CACNA1E: variants seen among roughly 807,000 people sequenced by gnomAD.
CACNA1E encodes calcium voltage-gated channel subunit alpha1 E, also known as voltage-dependent R-type calcium channel subunit alpha-1E.
Under a neutral mutation model 259.2 loss-of-function variants are expected in CACNA1E, and 40 were observed. The observed-to-expected ratio is 0.15, with a 90% CI of 0.12 to 0.20. The LOEUF is 0.20. Ranked by LOEUF, CACNA1E falls within the 10% of genes least tolerant of loss-of-function variation. CACNA1E has a pLI of 1.00. For synonymous variants in CACNA1E, 1,104 were observed against 1,138.5 expected (o/e 0.97, Z 0.61); for missense variants, 1,874 against 3,040.1 (o/e 0.62, Z 9.02).
At chr1:181,768,988 A>G (rs1659257862) in intron 35 of CACNA1E, among the ~76,000 whole-genome samples, 1 of 152,210 alleles carries the variant, frequency 6.6e-6, no homozygotes, top group Admixed American at 6.5e-5. Flanking sequence ...GGAAAAAGGG[A>G]CCTTTGCAGA....
At chr1:181,339,694 A>G (rs2102628047) in intron 1 of CACNA1E, among the ~76,000 whole-genome samples, 1 of 152,272 alleles carries the variant, frequency 6.6e-6, no homozygotes, top group African/African-American at 2.4e-5. Context: ...GAGATAAAAA[A>G]TGGTATCTCC....
intron 2 of CACNA1E, among the ~76,000 whole-genome samples, chr1:181,473,022 G>A (rs997521148): frequency 6.6e-6 from 1 of 152,106 alleles, no homozygotes; most frequent in Non-Finnish European, 1.5e-5. Flanking sequence ...GGCAGCAGAA[G>A]TATTTGTGAA....
chr1:181,426,769 C>A (rs1302003243), intron 2 of CACNA1E, among the ~76,000 whole-genome samples: 1 of 143,076 alleles, frequency 7.0e-6, no homozygotes, highest in Non-Finnish European at 1.5e-5. Context: ...CCCTGTCAAT[C>A]TCAACCCCTT....
At chr1:181,529,657 C>T (rs948875670) in intron 3 of CACNA1E, among the ~76,000 whole-genome samples, 1 of 152,214 alleles carries the variant, frequency 6.6e-6, no homozygotes, top group African/African-American at 2.4e-5. Context: ...GATGTGAGAT[C>T]TGGAGTCAAA....
intron 6 of CACNA1E, among the ~76,000 whole-genome samples, chr1:181,621,817 T>C (rs1655749846): frequency 6.6e-6 from 1 of 152,182 alleles, no homozygotes; most frequent in Admixed American, 6.5e-5. Flanking sequence ...GAGTGACCTA[T>C]TGTGCTACCT....
chr1:181,722,298 A>G (rs1306359400), intron 16 of CACNA1E, among the ~76,000 whole-genome samples: 1 of 152,236 alleles, frequency 6.6e-6, no homozygotes, highest in East Asian at 1.9e-4. Context: ...TAATGCTATT[A>G]CTGCTAATTA....
intron 45 of CACNA1E, among the ~76,000 whole-genome samples, 181 bp from the exon 46 acceptor site, chr1:181,794,683 G>C (rs1360095941): frequency 1.3e-5 from 2 of 152,218 alleles, no homozygotes; most frequent in Non-Finnish European, 2.9e-5. Flanking sequence ...ATAATGTAAG[G>C]ATGCTTTCTT....
intron 1 of CACNA1E, among the ~76,000 whole-genome samples, chr1:181,361,697 T>G (rs957254568): frequency 2.0e-5 from 3 of 152,192 alleles, no homozygotes; most frequent in Admixed American, 2.0e-4. Flanking sequence ...AAGTTCTGCC[T>G]GTGACTGTCA....
intron 3 of CACNA1E, among the ~76,000 whole-genome samples, chr1:181,529,463 G>A (rs1002037557): frequency 1.3e-5 from 2 of 152,170 alleles, no homozygotes; most frequent in African/African-American, 2.4e-5. Context: ...TGAGAAGAGG[G>A]CCACTGTCCT....
intron 1 of CACNA1E, among the ~76,000 whole-genome samples, chr1:181,392,012 G>C (rs572947438): frequency 2.0e-5 from 3 of 151,446 alleles, no homozygotes; most frequent in Non-Finnish European, 4.4e-5. Flanking sequence ...TTTGGGCCAG[G>C]GATTGGTGAA....
intron 16 of CACNA1E, 127 bp downstream of exon 16, chr1:181,722,002 C>T: frequency 1.5e-6 from 1 of 655,384 alleles, no homozygotes; most frequent in Non-Finnish European, 2.8e-6. Context: ...GTTTGGTGTA[C>T]TAAAGTAAAT....
At chr1:181,455,488 G>T (rs1424737922) in intron 2 of CACNA1E, among the ~76,000 whole-genome samples, 3 of 152,140 alleles carry the variant, frequency 2.0e-5, no homozygotes, top group Non-Finnish European at 4.4e-5. Flanking sequence ...TGGATGCCTT[G>T]TCTTTTTACC....
At chr1:181,398,172 C>A (rs987235005) in intron 1 of CACNA1E, among the ~76,000 whole-genome samples, 1 of 152,220 alleles carries the variant, frequency 6.6e-6, no homozygotes, top group African/African-American at 2.4e-5. Flanking sequence ...ACAGGCTCTA[C>A]CCAGATGCCT....
intron 3 of CACNA1E, among the ~76,000 whole-genome samples, chr1:181,570,982 G>A (rs538476831): frequency 1.1e-3 from 173 of 152,246 alleles, no homozygotes; most frequent in African/African-American, 4.0e-3. Context: ...TGAGTTCCTG[G>A]TATCTTCTCA....
chr1:181,482,563 C>A (rs1197726833), upstream of CACNA1E, among the ~76,000 whole-genome samples: 1 of 152,252 alleles, frequency 6.6e-6, no homozygotes, highest in African/African-American at 2.4e-5. Flanking sequence ...CCCCGCCCCT[C>A]CCGCCTGGCC....
chr1:181,724,527 A>C lies in CACNA1E; in HGVS notation c.2132A>C (p.Glu711Ala). 6.2e-7 allele frequency: 1 copy of C among 1,612,292 alleles called. No individual in the cohort carries two copies. Among genetic ancestry groups the C allele is most frequent in the Non-Finnish European group, 8.5e-7 (1 of 1,179,096 alleles). ...GTGGATAATCTCGCCAACGCCCAGG[A>C]ACTGACCAAGGTAAGCATTGTTTTC... ...IAVDNLANAQ[E>A]LTKDEQEEEE... The change falls in exon 17 of 48, where the codon GAA becomes GCA. Residue 711 changes from glutamate (E) to alanine (A), a missense_variant. Glu to Ala is a moderately radical substitution (Grantham distance 107). Around this residue, in one of 14 missense-constraint regions of CACNA1E, gnomAD observed 102 missense variants for 279.4 expected, o/e 0.37. Transcript: ENST00000367573.
At chr1:181,533,590 A>G (rs552181) in intron 3 of CACNA1E, among the ~76,000 whole-genome samples, 23,396 of 147,830 alleles carry the variant, frequency 0.16, 2,022 homozygotes, top group African/African-American at 0.22. Context: ...AGCCATTATA[A>G]TTTCATATGA....
chr1:181,498,893 G>A (rs1665010080), intron 1 of CACNA1E, among the ~76,000 whole-genome samples: 3 of 152,118 alleles, frequency 2.0e-5, no homozygotes, highest in Admixed American at 1.3e-4. Context: ...TGTTTTTGGT[G>A]TTTGGGGCAT....
intron 1 of CACNA1E, among the ~76,000 whole-genome samples, chr1:181,336,529 G>C (rs564947758): frequency 2.8e-4 from 42 of 152,196 alleles, no homozygotes; most frequent in African/African-American, 9.1e-4. Flanking sequence ...ATTGTTTATG[G>C]TTTCTTTTTT....
Sources: allele counts gnomAD v4.1 joint callset (sites outside exome capture counted in the v4.1 genomes callset), GRCh38; gene constraint gnomAD v4.1.1; regional missense constraint gnomAD v4.1.1; transcripts MANE v1.5; gene names NCBI Gene and HGNC (gene_info 2026-07-23, HGNC 2026-07-21).